JAK1: variants seen among roughly 807,000 people sequenced by gnomAD.
The protein encoded by JAK1 is Janus kinase 1, also known as tyrosine-protein kinase JAK1.
JAK1 carries 16 observed loss-of-function variants against 136.6 expected under a neutral mutation model. That is an observed-to-expected ratio of 0.12 (90% confidence interval 0.08 to 0.18). JAK1 has a LOEUF of 0.18. Ranked by LOEUF, JAK1 falls within the 10% of genes least tolerant of loss-of-function variation. JAK1 has a pLI of 1.00. For missense variants in JAK1, 859 were observed against 1,450.1 expected (o/e 0.59, Z 6.62); for synonymous variants, 492 against 519.5 (o/e 0.95, Z 0.72).
chr1:65,012,022 G>T (rs535024038), intron 2 of JAK1, among the ~76,000 whole-genome samples: 1 of 152,194 alleles, frequency 6.6e-6, no homozygotes, highest in Non-Finnish European at 1.5e-5. Context: ...CAGTTTGGGC[G>T]CCTGTTAGCT....
intron 2 of JAK1, among the ~76,000 whole-genome samples, chr1:64,982,124 G>A (rs199825568): frequency 0.11 from 12,772 of 113,188 alleles, 1,098 homozygotes; most frequent in African/African-American, 0.31. Flanking sequence ...GCACACACAC[G>A]CACACACACA....
intron 1 of JAK1, among the ~76,000 whole-genome samples, chr1:64,936,105 A>G (rs191450392): frequency 6.6e-6 from 1 of 152,330 alleles, no homozygotes; most frequent in Admixed American, 6.5e-5. Context: ...CAATTACTAA[A>G]TAAAACTCCT....
intron 1 of JAK1, chr1:65,067,574 C>A: frequency 6.8e-6 from 1 of 146,192 alleles, no homozygotes; most frequent in South Asian, 1.9e-4. Flanking sequence ...CCCCGCCGCC[C>A]CCGCGCCCGG....
intron 1 of JAK1, among the ~76,000 whole-genome samples, chr1:64,924,443 A>G (rs1645548471): frequency 6.6e-6 from 1 of 152,190 alleles, no homozygotes; most frequent in Non-Finnish European, 1.5e-5. Flanking sequence ...TAGGATTCCT[A>G]GTATTCCTAG....
At chr1:64,947,272 A>G (rs1003099864) in intron 1 of JAK1, among the ~76,000 whole-genome samples, 4 of 152,176 alleles carry the variant, frequency 2.6e-5, no homozygotes, top group Admixed American at 2.6e-4. Context: ...TACAGCTGAC[A>G]TCTGTTTTTA....
intron 11 of JAK1, among the ~76,000 whole-genome samples, chr1:64,852,348 T>C (rs1244114208): frequency 6.6e-6 from 1 of 152,178 alleles, no homozygotes; most frequent in Non-Finnish European, 1.5e-5. Context: ...TCCCACAACA[T>C]ACCTGGCCCT....
intron 2 of JAK1, among the ~76,000 whole-genome samples, chr1:64,977,111 T>A (rs1296011340): frequency 4.0e-5 from 6 of 151,608 alleles, no homozygotes; most frequent in African/African-American, 1.2e-4. Flanking sequence ...ACATGTACTT[T>A]CTATATTGTC....
At position 64,937,035 on chromosome 1, in the gene JAK1, TA is replaced by T. The variant is rs370992503; in HGVS notation, c.-78+29297del. On this transcript the variant is annotated intron_variant, in intron 1 of 24. Transcript: ENST00000342505. ...ACAGAAAATATTTCAAATGACTGTT[TA>T]AAAAAAAAAAAAAAAGGATCAACTA... Among the ~76,000 whole-genome samples, 1,036 of 137,200 alleles carry T rather than the reference TA, an allele frequency of 7.6e-3. 3 individuals carry two copies. The highest frequency in any genetic ancestry group is 0.011 in the African/African-American group (427 of 37,936). 90.0% of individuals were successfully genotyped at this position (137,200 alleles called of 152,430 possible). A position where few individuals can be genotyped will look rare whatever the true frequency, so the allele number is the denominator to read the frequency against.
At chr1:64,912,379 C>T (rs1443301161) in intron 1 of JAK1, among the ~76,000 whole-genome samples, 2 of 152,192 alleles carry the variant, frequency 1.3e-5, no homozygotes, top group Admixed American at 1.3e-4. Flanking sequence ...TTTTCTTTTT[C>T]CATCCTCTAC....
intron 2 of JAK1, among the ~76,000 whole-genome samples, chr1:65,039,662 G>A (rs1181356535): frequency 6.6e-6 from 1 of 152,136 alleles, no homozygotes; most frequent in Non-Finnish European, 1.5e-5. Context: ...CACACATTGA[G>A]CTGCGTACCA....
intron 1 of JAK1, among the ~76,000 whole-genome samples, chr1:64,965,096 C>T (rs1393377415): frequency 6.6e-6 from 1 of 151,936 alleles, no homozygotes; most frequent in Non-Finnish European, 1.5e-5. Flanking sequence ...CCATATTTAA[C>T]TCAAATCTTT....
intron 1 of JAK1, among the ~76,000 whole-genome samples, chr1:64,914,757 T>A (rs1247228588): frequency 6.6e-6 from 1 of 152,068 alleles, no homozygotes; most frequent in Non-Finnish European, 1.5e-5. Context: ...AGAGATGGGG[T>A]TTCACCATGT....
intron 1 of JAK1, among the ~76,000 whole-genome samples, chr1:64,956,076 C>T (rs1646181666): frequency 6.6e-6 from 1 of 152,206 alleles, no homozygotes; most frequent in Non-Finnish European, 1.5e-5. Context: ...AGCACAGCCA[C>T]ACTCATTGGT....
rs533576177 is a variant in JAK1, at chr1:64,897,074, T to G, written c.-77-10733A>C. Among the ~76,000 whole-genome samples, 45 of 151,898 alleles carry G rather than the reference T, an allele frequency of 3.0e-4. 2 individuals carry two copies. The South Asian group carries it at 8.5e-3, about 29-fold the overall frequency. On this transcript the variant is annotated intron_variant, in intron 1 of 24. Coordinates refer to ENST00000342505, the MANE Select transcript of JAK1 (RefSeq NM_002227.4). ...CGAAGAAGGTGGGATACAAACAGGATGAAAACAGGAGCTGAGTGAGGACAA... is the reference window on the plus strand; with the variant it reads ...CGAAGAAGGTGGGATACAAACAGGAGGAAAACAGGAGCTGAGTGAGGACAA...
chr1:64,992,896 C>CAAAAAA (rs75078790), intron 2 of JAK1: 2 of 70,526 alleles, frequency 2.8e-5, no homozygotes, highest in African/African-American at 9.4e-5. Context: ...GATTCTGTCT[C>CAAAAAA]AAAAAAAAAA....
chr1:64,973,611 T>C (rs1358565834), intron 2 of JAK1: 1 of 137,076 alleles, frequency 7.3e-6, no homozygotes, highest in African/African-American at 2.7e-5. Context: ...CCTTCCCTCG[T>C]CTCACTTTGC....
chr1:64,998,151 A>G (rs1298434660), intron 2 of JAK1, among the ~76,000 whole-genome samples: 1 of 152,212 alleles, frequency 6.6e-6, no homozygotes, highest in Non-Finnish European at 1.5e-5. Flanking sequence ...GAGTATGAAG[A>G]GATGCAAAAT....
At chr1:64,951,912 C>T (rs1265552193) in intron 1 of JAK1, among the ~76,000 whole-genome samples, 1 of 152,082 alleles carries the variant, frequency 6.6e-6, no homozygotes, top group Non-Finnish European at 1.5e-5. Flanking sequence ...CCGCCTCGGC[C>T]TCCCAAAGTG....
At chr1:64,835,033 A>C (rs781055790) in intron 24 of JAK1, among the ~76,000 whole-genome samples, 7 of 152,228 alleles carry the variant, frequency 4.6e-5, no homozygotes, top group Non-Finnish European at 5.9e-5. Context: ...TAAAGGCTCA[A>C]TTCACTTAGA....
Sources: gnomAD v4.1 joint callset for allele counts (sites outside exome capture counted in the v4.1 genomes callset) on GRCh38, gnomAD v4.1.1 for gene constraint, MANE v1.5 for transcripts, NCBI Gene and HGNC (gene_info 2026-07-23, HGNC 2026-07-21) for gene names.